GOSR1: variants seen among roughly 807,000 people sequenced by gnomAD.
GOSR1 encodes the protein 28 kDa Golgi SNARE protein.
A neutral mutation model predicts 35.5 loss-of-function variants in GOSR1; 21 were observed. The observed-to-expected ratio is 0.59, with a 90% CI of 0.42 to 0.85. The LOEUF is 0.85. GOSR1 is among the 40% of genes least tolerant of loss of function. The pLI is 0.00. For missense variants in GOSR1, 285 were observed against 309.6 expected, an observed-to-expected ratio of 0.92 and a Z score of 0.60; for synonymous variants, 94 against 106.6, an observed-to-expected ratio of 0.88 and a Z score of 0.73.
Position 30,518,373 on chromosome 17 carries a change from C to G in GOSR1, c.540-1566C>G, listed in dbSNP as rs1418944494. On this transcript the variant is annotated intron_variant, in intron 7 of 8. Transcript: ENST00000451249. Reference sequence around the variant, plus strand: ...TGTGCTACTCCATGGAGGAAATGGACCAAAGGTCAAGTCAGGAATTTATAC... The same window carrying G: ...TGTGCTACTCCATGGAGGAAATGGAGCAAAGGTCAAGTCAGGAATTTATAC... Among the ~76,000 whole-genome samples, 4 of 151,210 alleles carry G rather than the reference C, an allele frequency of 2.6e-5. No homozygotes were observed. The East Asian group carries it at 7.7e-4, about 29-fold the overall frequency.
chr17:30,502,637 ATGTT>A (rs1487960356), intron 6 of GOSR1, among the ~76,000 whole-genome samples: 1 of 152,188 alleles, frequency 6.6e-6, no homozygotes, highest in African/African-American at 2.4e-5. Flanking sequence ...GATTATGAAA[ATGTT>A]TGTGCTAAAC....
chr17:30,513,521 C>A (rs1967689903), intron 7 of GOSR1, among the ~76,000 whole-genome samples: 1 of 152,142 alleles, frequency 6.6e-6, no homozygotes, highest in African/African-American at 2.4e-5. Context: ...AATCATGCAT[C>A]TTCAACAAGT....
At chr17:30,498,820 G>C (rs1198468949) in intron 6 of GOSR1, among the ~76,000 whole-genome samples, 1 of 152,154 alleles carries the variant, frequency 6.6e-6, no homozygotes, top group Non-Finnish European at 1.5e-5. Flanking sequence ...GGGGTCAGCC[G>C]AGGCTGCCAT....
rs1968200595 is a variant in GOSR1, at chr17:30,527,414, G to C, written c.*5036G>C. 2 of 152,162 alleles carry C rather than the reference G, an allele frequency of 1.3e-5. No individual in the cohort carries two copies. The highest frequency in any genetic ancestry group is 2.9e-5 in the Non-Finnish European group (2 of 68,020). The allele number at this position is 152,162 out of a possible 1,614,324, so 9.4% of individuals were successfully genotyped here. ...CTTTAGTACATTAGTTGTGCAACCA[G>C]CCCCACTGTCTAATTTTAGAGCTTT... On this transcript the variant is annotated 3_prime_UTR_variant, in exon 9 of 9. Transcript: ENST00000451249.
At chr17:30,499,576 C>T (rs536239524) in intron 6 of GOSR1, among the ~76,000 whole-genome samples, 6 of 152,254 alleles carry the variant, frequency 3.9e-5, no homozygotes, top group South Asian at 2.1e-4. Flanking sequence ...CTCCTGACCT[C>T]GTGATCCACC....
intron 6 of GOSR1, among the ~76,000 whole-genome samples, chr17:30,503,368 G>A (rs576392398): frequency 1.2e-4 from 18 of 152,244 alleles, no homozygotes; most frequent in Non-Finnish European, 2.2e-4. Context: ...ATTGTTTTCA[G>A]CTAGTTTAAA....
At chr17:30,511,426 A>G (rs993592809) in intron 7 of GOSR1, among the ~76,000 whole-genome samples, 4 of 152,204 alleles carry the variant, frequency 2.6e-5, no homozygotes, top group Admixed American at 2.6e-4. Context: ...TTATGACAGT[A>G]AAAAAGTACA....
chr17:30,501,332 G>C (rs894514514), intron 6 of GOSR1, among the ~76,000 whole-genome samples: 3 of 152,074 alleles, frequency 2.0e-5, no homozygotes, highest in African/African-American at 7.2e-5. Flanking sequence ...TAAAACAACA[G>C]TAAGATACCA....
chr17:30,490,240 T>G (rs1386865315), intron 5 of GOSR1, 23 bp downstream of exon 5: 1 of 1,112,590 alleles, frequency 9.0e-7, no homozygotes, highest in Non-Finnish European at 1.4e-6. Context: ...TTATATTATT[T>G]TGTAGAATAT....
intron 6 of GOSR1, among the ~76,000 whole-genome samples, chr17:30,501,696 A>G (rs1486893287): frequency 2.6e-5 from 4 of 151,846 alleles, no homozygotes; most frequent in South Asian, 4.2e-4. Context: ...GGGTTTCACC[A>G]TCTTGGCCAG....
At chr17:30,480,038 G>A (rs924427006) in intron 1 of GOSR1, 6 of 152,138 alleles carry the variant, frequency 3.9e-5, no homozygotes, top group African/African-American at 1.4e-4. Context: ...CGGGCGTGGT[G>A]GCTCACACCT....
At chr17:30,485,894 C>T (rs935718448) in intron 4 of GOSR1, among the ~76,000 whole-genome samples, 11 of 151,572 alleles carry the variant, frequency 7.3e-5, no homozygotes, top group African/African-American at 1.9e-4. Flanking sequence ...TAGTGGTGGG[C>T]GCCTGTAATC....
At chr17:30,522,228 A>G (rs1968062525) in intron 8 of GOSR1, 26 bp from the exon 9 acceptor site, 2 of 1,579,076 alleles carry the variant, frequency 1.3e-6, no homozygotes, top group Non-Finnish European at 1.7e-6. Flanking sequence ...TCTTCCAAAT[A>G]TGACCTTAAT....
At chr17:30,482,101 A>G (rs79126880) in intron 2 of GOSR1, among the ~76,000 whole-genome samples, 1 of 152,242 alleles carries the variant, frequency 6.6e-6, no homozygotes, top group African/African-American at 2.4e-5. Context: ...GAAGCCCCTT[A>G]TGGCACCCCA....
chr17:30,514,589 G>A (rs528486970), intron 7 of GOSR1, among the ~76,000 whole-genome samples: 1 of 152,332 alleles, frequency 6.6e-6, no homozygotes, highest in African/African-American at 2.4e-5. Flanking sequence ...ACAGTGGCAT[G>A]CGTCTTTTCC....
intron 3 of GOSR1, 90 bp from the exon 4 acceptor site, chr17:30,484,573 C>T: frequency 1.5e-6 from 1 of 689,086 alleles, no homozygotes; most frequent in Non-Finnish European, 2.5e-6. Context: ...TTGCTGTCAA[C>T]CAAAAGGGCA....
chr17:30,509,710 T>C (rs1313208897), intron 6 of GOSR1, among the ~76,000 whole-genome samples: 2 of 152,192 alleles, frequency 1.3e-5, no homozygotes, highest in Non-Finnish European at 2.9e-5. Flanking sequence ...TTCTTTCCAG[T>C]GTGTGCTGCA....
At chr17:30,498,808 C>G (rs1967095274) in intron 6 of GOSR1, among the ~76,000 whole-genome samples, 1 of 152,178 alleles carries the variant, frequency 6.6e-6, no homozygotes, top group South Asian at 2.1e-4. Flanking sequence ...CTGAGTGTCA[C>G]CGGGGTCAGC....
chr17:30,516,613 G>C (rs1967827472), intron 7 of GOSR1, among the ~76,000 whole-genome samples: 2 of 152,114 alleles, frequency 1.3e-5, no homozygotes, highest in African/African-American at 2.4e-5. Flanking sequence ...AAAGATGTTT[G>C]TTTCTGTAAT....
Sources: allele counts gnomAD v4.1 joint callset (sites outside exome capture counted in the v4.1 genomes callset), GRCh38; gene constraint gnomAD v4.1.1; transcripts MANE v1.5; gene names NCBI Gene and HGNC (gene_info 2026-07-23, HGNC 2026-07-21).